CPNE8: variants seen among roughly 807,000 people sequenced by gnomAD.
CPNE8 encodes copine-8.
In CPNE8, 45 loss-of-function variants were observed where a neutral mutation model predicts 81.5. The ratio of observed to expected loss-of-function variants is 0.55; its 90% confidence interval spans 0.44 to 0.71. The LOEUF (loss-of-function observed/expected upper bound fraction) is 0.71, where lower values mean the gene tolerates loss of function less well. Among genes scored for constraint, CPNE8 ranks in the 30% least tolerant of loss-of-function variants. The pLI is 0.00. For synonymous variants in CPNE8, 252 were observed against 226.3 expected (o/e 1.11, Z -1.02); for missense variants, 594 against 672.1 (o/e 0.88, Z 1.28).
intron 3 of CPNE8, among the ~76,000 whole-genome samples, chr12:38,870,648 G>T (rs938931523): frequency 5.3e-5 from 8 of 152,056 alleles, no homozygotes; most frequent in African/African-American, 1.9e-4. Flanking sequence ...GTCGGCGGGT[G>T]GGGGGCTAGG....
chr12:38,834,314 G>T lies in CPNE8; in HGVS notation c.331-4859C>A, dbSNP rs142411016. Among the ~76,000 whole-genome samples the T allele has an allele frequency of 2.0e-4, 31 of 152,100 alleles. No individual in the cohort carries two copies. The South Asian group carries it at 3.7e-3, about 18-fold the overall frequency. On this transcript the variant is annotated intron_variant, in intron 5 of 19. Transcript: ENST00000331366. Reference sequence around the variant, plus strand: ...TATCTCCATTTGGATGCTTACTGGGGGTCTCAAATTTAACATGAACTTGGC... The same window carrying T: ...TATCTCCATTTGGATGCTTACTGGGTGTCTCAAATTTAACATGAACTTGGC...
chr12:38,775,793 C>A (rs578002743), intron 7 of CPNE8, among the ~76,000 whole-genome samples: 3 of 152,172 alleles, frequency 2.0e-5, no homozygotes, highest in African/African-American at 4.8e-5. Context: ...AGAGATGGAA[C>A]CAATATAAAT....
chr12:38,829,441 T>C lies in CPNE8; in HGVS notation c.345A>G (p.Gln115=). The part of the protein sequence containing the change: ...PNLSKHDFLG[Q]VFCTLGEIVG... ...CGATCTCTCCCAATGTACAAAACAC[T>C]TGTCCCAGAAAGTCCTGAAATAGAT... is the stretch of plus-strand genomic sequence containing the variant. The change falls in exon 6 of 20, where the codon CAA becomes CAG. Residue 115 remains glutamine (Q), a synonymous_variant. Transcript: ENST00000331366. 1 of 1,612,464 alleles carries C rather than the reference T, an allele frequency of 6.2e-7. No individual in the cohort carries two copies. Among genetic ancestry groups the C allele is most frequent in the Non-Finnish European group, 8.5e-7 (1 of 1,178,594 alleles).
chr12:38,823,590 T>C (rs944735233), intron 6 of CPNE8, among the ~76,000 whole-genome samples: 2 of 152,208 alleles, frequency 1.3e-5, no homozygotes, highest in Non-Finnish European at 2.9e-5. Flanking sequence ...ATCCTGCTTC[T>C]CCCTGGAGTA....
At chr12:38,778,463 C>T (rs1280308008) in intron 6 of CPNE8, among the ~76,000 whole-genome samples, 2 of 152,150 alleles carry the variant, frequency 1.3e-5, no homozygotes, top group African/African-American at 2.4e-5. Context: ...TTCATCAACT[C>T]GGTGACATTT....
At chr12:38,689,201 CAT>C (rs1323884608) in intron 15 of CPNE8, among the ~76,000 whole-genome samples, 20 of 152,268 alleles carry the variant, frequency 1.3e-4, no homozygotes, top group Admixed American at 2.6e-4. Flanking sequence ...TAAAATAACA[CAT>C]GTTAACTTGT....
rs373506283 is a variant in CPNE8, at chr12:38,654,056, C to T, written c.1521G>A (p.Arg507=). The T allele has an allele frequency of 5.0e-5, 80 of 1,603,522 alleles. No individual in the cohort carries two copies. The highest frequency in any genetic ancestry group is 6.6e-5 in the Non-Finnish European group (78 of 1,175,280). ...GGTTTCCACTTCTGTCAATATAATC[C>T]CTGAATGGCACAAACTAAAACAGAG... ...ERDIVQFVPF[R]DYIDRSGNHI... The change falls in exon 20 of 20, where the codon AGG becomes AGA. Residue 507 remains arginine, a synonymous_variant. Transcript: ENST00000331366.
chr12:38,803,693 A>T (rs1402498609), intron 6 of CPNE8, among the ~76,000 whole-genome samples: 2 of 150,666 alleles, frequency 1.3e-5, no homozygotes. Context: ...AAGGGTATTC[A>T]ATTAGGAAAA....
chr12:38,820,875 A>G (rs1347020244), intron 6 of CPNE8, among the ~76,000 whole-genome samples: 1 of 152,206 alleles, frequency 6.6e-6, no homozygotes, highest in East Asian at 1.9e-4. Flanking sequence ...TTGTTAGCAT[A>G]CATCCTCCTT....
chr12:38,786,581 TC>T (rs1942193079), intron 6 of CPNE8, among the ~76,000 whole-genome samples: 1 of 152,070 alleles, frequency 6.6e-6, no homozygotes, highest in South Asian at 2.1e-4. Context: ...GACTTTGTGA[TC>T]GTGTGAGTTA....
At chr12:38,658,485 T>C (rs1267603486) in intron 19 of CPNE8, among the ~76,000 whole-genome samples, 1 of 152,174 alleles carries the variant, frequency 6.6e-6, no homozygotes, top group Non-Finnish European at 1.5e-5. Flanking sequence ...TGCAGGATAT[T>C]ATCCAGGAGA....
chr12:38,670,072 T>A (rs1939139451), intron 19 of CPNE8, among the ~76,000 whole-genome samples: 1 of 152,346 alleles, frequency 6.6e-6, no homozygotes, highest in Non-Finnish European at 1.5e-5. Flanking sequence ...CCACCCTTTG[T>A]GTTTCTCTCC....
chr12:38,905,740 C>A, upstream of CPNE8: 1 of 1,409,956 alleles, frequency 7.1e-7, no homozygotes. Flanking sequence ...CTGGGTGAAA[C>A]TGACGCTGCC....
intron 8 of CPNE8, among the ~76,000 whole-genome samples, chr12:38,763,490 G>T (rs780443366): frequency 3.3e-5 from 5 of 152,208 alleles, no homozygotes. Context: ...TCTATAGAAA[G>T]ACCATTTAGT....
intron 4 of CPNE8, among the ~76,000 whole-genome samples, chr12:38,841,266 C>T (rs2137043863): frequency 6.6e-6 from 1 of 152,154 alleles, no homozygotes; most frequent in South Asian, 2.1e-4. Flanking sequence ...AGCATTACTC[C>T]AAGTGATGGG....
At chr12:38,711,348 T>G (rs1940251830) in intron 13 of CPNE8, among the ~76,000 whole-genome samples, 1 of 152,026 alleles carries the variant, frequency 6.6e-6, no homozygotes. Context: ...ACCTGAAGAG[T>G]TTCCTTTGAC....
At chr12:38,697,025 C>T (rs543059575) in intron 14 of CPNE8, among the ~76,000 whole-genome samples, 53 of 152,068 alleles carry the variant, frequency 3.5e-4, no homozygotes, top group African/African-American at 1.1e-3. Flanking sequence ...CCAGCCTGGG[C>T]GACAGAGTGA....
chr12:38,900,792 G>C (rs1201628937), intron 1 of CPNE8, among the ~76,000 whole-genome samples: 1 of 152,176 alleles, frequency 6.6e-6, no homozygotes, highest in Non-Finnish European at 1.5e-5. Flanking sequence ...TACAGTTGCT[G>C]GGTTCATGCA....
At chr12:38,701,474 T>C (rs1418614121) in intron 14 of CPNE8, among the ~76,000 whole-genome samples, 1 of 151,914 alleles carries the variant, frequency 6.6e-6, no homozygotes, top group East Asian at 1.9e-4. Context: ...AGGTATTATT[T>C]CTTTTTGTTT....
Sources: gnomAD v4.1 joint callset for allele counts (sites outside exome capture counted in the v4.1 genomes callset) on GRCh38, gnomAD v4.1.1 for gene constraint, MANE v1.5 for transcripts, NCBI Gene and HGNC (gene_info 2026-07-23, HGNC 2026-07-21) for gene names.